The following MAEA variants were observed in gnomAD, a reference collection of about 807,000 sequenced individuals.
MAEA encodes macrophage erythroblast attacher, E3 ubiquitin ligase.
MAEA carries 22 observed loss-of-function variants against 46.2 expected under a neutral mutation model. That is an observed-to-expected ratio of 0.48 (90% CI 0.34 to 0.68). MAEA has a LOEUF of 0.68. Ranked by LOEUF, MAEA falls within the 30% of genes least tolerant of loss-of-function variation. The pLI, the probability that MAEA is intolerant of heterozygous loss-of-function variation, is 0.01. For missense variants in MAEA, 393 were observed against 558.1 expected, an observed-to-expected ratio of 0.70 and a Z score of 2.98; for synonymous variants, 246 against 222.6, an observed-to-expected ratio of 1.11 and a Z score of -0.94.
chr4:1,306,204 A>G (rs1158633596), intron 1 of MAEA, among the ~76,000 whole-genome samples: 1 of 152,206 alleles, frequency 6.6e-6, no homozygotes, highest in East Asian at 1.9e-4. Context: ...GCAGCGTCAA[A>G]TGGACCCATA....
chr4:1,323,551 C>A, intron 4 of MAEA: 1 of 702,558 alleles, frequency 1.4e-6, no homozygotes. Flanking sequence ...CGGCTAGTAG[C>A]TCCCCTAAAG....
chr4:1,307,748 C>T (rs533497729), intron 1 of MAEA, among the ~76,000 whole-genome samples: 3 of 152,264 alleles, frequency 2.0e-5, no homozygotes, highest in South Asian at 4.2e-4. Flanking sequence ...GGCCAGAGAC[C>T]CTGGAGTTCT....
intron 2 of MAEA, chr4:1,312,385 A>T: frequency 1.8e-6 from 1 of 552,494 alleles, no homozygotes; most frequent in South Asian, 2.1e-5. Context: ...TCCAGAGTCC[A>T]GGCCACAGGG....
At chr4:1,332,505 A>G in intron 5 of MAEA, 1 of 363,702 alleles carries the variant, frequency 2.7e-6, no homozygotes, top group Non-Finnish European at 5.1e-6. Flanking sequence ...GCTTGAGCCC[A>G]GGAGTTGGAG....
chr4:1,327,079 T>C (rs1345618019), intron 4 of MAEA, among the ~76,000 whole-genome samples: 5 of 152,178 alleles, frequency 3.3e-5, no homozygotes, highest in Admixed American at 3.3e-4. Context: ...CAGCCCCACA[T>C]GTGGTCCCTG....
chr4:1,290,206 C>A (rs1577108814), intron 1 of MAEA, among the ~76,000 whole-genome samples: 1 of 151,942 alleles, frequency 6.6e-6, no homozygotes, highest in African/African-American at 2.4e-5. Flanking sequence ...GGCCCCTCTG[C>A]TTGAAGAGCT....
rs546209059 is a variant in MAEA, at chr4:1,319,310, A to G, written c.457-3071A>G. Among the ~76,000 whole-genome samples, 495 of 152,170 alleles carry G rather than the reference A, an allele frequency of 3.3e-3. 7 individuals are homozygous for G. Among genetic ancestry groups the G allele is most frequent in the African/African-American group, 0.011 (472 of 41,514 alleles). Reference sequence around the variant, plus strand: ...GGAGGCTGCAGTGAGCCAAGATTGCACCACTGCACTCCAGCCTGGGCAACA... The same window carrying G: ...GGAGGCTGCAGTGAGCCAAGATTGCGCCACTGCACTCCAGCCTGGGCAACA... On this transcript the variant is annotated intron_variant, in intron 3 of 8. Coordinates refer to ENST00000303400, the MANE Select transcript of MAEA (RefSeq NM_001017405.3).
intron 6 of MAEA, among the ~76,000 whole-genome samples, chr4:1,336,415 A>G (rs1391721778): frequency 1.3e-5 from 2 of 151,458 alleles, no homozygotes; most frequent in African/African-American, 4.9e-5. Context: ...GCATGTTGAA[A>G]TCGGAGTTAA....
At chr4:1,310,684 G>A (rs1258155776) in intron 1 of MAEA, among the ~76,000 whole-genome samples, 1 of 152,226 alleles carries the variant, frequency 6.6e-6, no homozygotes, top group East Asian at 1.9e-4. Flanking sequence ...GAGAGCGTGT[G>A]CACCCTGTCA....
chr4:1,302,902 T>G (rs766496929), intron 1 of MAEA, among the ~76,000 whole-genome samples: 64 of 152,196 alleles, frequency 4.2e-4, no homozygotes, highest in Non-Finnish European at 2.5e-4. Flanking sequence ...GAGGTGCTGC[T>G]TCCTACCCCA....
chr4:1,329,293 CTT>C (rs2108987901), intron 5 of MAEA: 1 of 982,732 alleles, frequency 1.0e-6, no homozygotes, highest in Non-Finnish European at 1.2e-6. Flanking sequence ...CGTAGGGTCT[CTT>C]TGCCTGTGTT....
intron 5 of MAEA, chr4:1,329,321 A>C: frequency 1.0e-6 from 1 of 985,606 alleles, no homozygotes; most frequent in Non-Finnish European, 1.2e-6. Context: ...CGCTCCGTGT[A>C]GGGTCTCTTT....
At chr4:1,309,450 C>T (rs1200387169) in intron 1 of MAEA, 4 of 1,291,994 alleles carry the variant, frequency 3.1e-6, no homozygotes, top group African/African-American at 1.5e-5. Context: ...GCTGGCCTGG[C>T]TCCTCTGGGG....
intron 6 of MAEA, among the ~76,000 whole-genome samples, chr4:1,333,570 G>T: frequency 6.6e-6 from 1 of 152,086 alleles, no homozygotes; most frequent in East Asian, 1.9e-4. Context: ...AGGGTTGGGG[G>T]TTCTGCCATC....
At chr4:1,309,821 C>T in intron 1 of MAEA, 5 of 1,371,362 alleles carry the variant, frequency 3.6e-6, no homozygotes, top group Non-Finnish European at 2.8e-6. Context: ...GTCTGCAGCA[C>T]ACCAGCTGCC....
At chr4:1,319,063 T>C (rs78856966) in intron 3 of MAEA, among the ~76,000 whole-genome samples, 4,894 of 152,274 alleles carry the variant, frequency 0.032, 205 homozygotes, top group East Asian at 0.19. Flanking sequence ...CTGCCTGTGC[T>C]GCCTTAGGCT....
chr4:1,315,326 G>C (rs1386916289), intron 2 of MAEA, 71 bp from the exon 3 acceptor site: 9 of 1,460,196 alleles, frequency 6.2e-6, no homozygotes, highest in African/African-American at 1.4e-5. Context: ...GATTGGGGCA[G>C]CCTGGCCTCC....
chr4:1,311,903 TG>T lies in MAEA; in HGVS notation c.70-74del. On this transcript the variant is annotated intron_variant, in intron 1 of 8. Transcript: ENST00000303400. The surrounding 1 kb of genome is among the most constrained non-coding windows in gnomAD (Gnocchi z 4.4). The stretch of plus-strand genomic sequence containing the variant: ...CCTCTACAAGTGCCATGAGGAGACC[TG>T]GTGTGTCCTGGGTGTGGGGCTGGTG... 7.5e-7 allele frequency: 1 copy of T among 1,335,496 alleles called. No homozygotes were observed. The highest frequency in any genetic ancestry group is 1.0e-6 in the Non-Finnish European group (1 of 956,876). The allele number at this position is 1,335,496 out of a possible 1,614,324, so 82.7% of individuals were successfully genotyped here.
chr4:1,298,738 CAG>C (rs923811821), intron 1 of MAEA, among the ~76,000 whole-genome samples: 6 of 152,298 alleles, frequency 3.9e-5, no homozygotes, highest in African/African-American at 1.4e-4. Context: ...GGTGCTCTCA[CAG>C]GGTCTAGTGG....
Sources: allele counts gnomAD v4.1 joint callset (sites outside exome capture counted in the v4.1 genomes callset), GRCh38; gene constraint gnomAD v4.1.1; non-coding constraint Gnocchi (gnomAD v3.1); transcripts MANE v1.5; gene names NCBI Gene and HGNC (gene_info 2026-07-23, HGNC 2026-07-21).